The following EXOC6B variants were observed in gnomAD, a reference collection of about 807,000 sequenced individuals.
EXOC6B encodes the protein SEC15 homolog B.
In EXOC6B, 54 loss-of-function variants were observed where a neutral mutation model predicts 113.5. The ratio of observed to expected loss-of-function variants is 0.48; its 90% CI spans 0.38 to 0.60. EXOC6B has a LOEUF of 0.60. EXOC6B is among the 20% of genes least tolerant of loss of function. The pLI is 0.00. For missense variants in EXOC6B, 797 were observed against 977.5 expected, an observed-to-expected ratio of 0.82 and a Z score of 2.46; for synonymous variants, 357 against 339.0, an observed-to-expected ratio of 1.05 and a Z score of -0.58.
intron 20 of EXOC6B, among the ~76,000 whole-genome samples, chr2:72,239,291 T>C (rs1306334046): frequency 6.6e-6 from 1 of 152,232 alleles, no homozygotes; most frequent in Non-Finnish European, 1.5e-5. Context: ...CTTCAATGTT[T>C]CTTTCTCAGG....
intron 18 of EXOC6B, among the ~76,000 whole-genome samples, chr2:72,432,969 C>T (rs1400607202): frequency 6.6e-6 from 1 of 152,176 alleles, no homozygotes; most frequent in Non-Finnish European, 1.5e-5. Context: ...GTGTTTTAGT[C>T]ATAAAGTCTT....
intron 1 of EXOC6B, among the ~76,000 whole-genome samples, chr2:72,754,553 GTC>G (rs1682278428): frequency 6.6e-6 from 1 of 150,828 alleles, no homozygotes; most frequent in African/African-American, 2.4e-5. Flanking sequence ...TACAATAACA[GTC>G]TCTTGCAGCA....
chr2:72,575,609 C>G lies in EXOC6B; in HGVS notation c.729G>C (p.Lys243Asn). 2 of 1,610,384 alleles carry G rather than the reference C, an allele frequency of 1.2e-6. No individual in the cohort carries two copies. The highest frequency in any genetic ancestry group is 1.7e-6 in the Non-Finnish European group (2 of 1,178,540). ...TATATGCATCTTTCTTAGATTTCCTCTTGCTACCTATTCTGGGTTGTTGCA... is the reference window on the plus strand; with the variant it reads ...TATATGCATCTTTCTTAGATTTCCTGTTGCTACCTATTCTGGGTTGTTGCA... ...IVLQQPRIGS[K>N]RKSKKDAYII... is the part of the protein sequence containing the mutation. Residue 243 changes from lysine to asparagine, a missense_variant, in exon 7 of 22, where the codon AAG (lysine) becomes AAC (asparagine). By Grantham distance (94) the Lys-to-Asn change is moderately conservative (BLOSUM62 0). Coordinates refer to ENST00000272427, the MANE Select transcript of EXOC6B (RefSeq NM_015189.3).
At chr2:72,326,893 G>A (rs557770108) in intron 20 of EXOC6B, among the ~76,000 whole-genome samples, 13 of 152,170 alleles carry the variant, frequency 8.5e-5, no homozygotes, top group East Asian at 3.9e-4. Context: ...GCAAGCCAGC[G>A]TTTGGTTAGA....
At chr2:72,297,373 C>T (rs1480349264) in intron 20 of EXOC6B, among the ~76,000 whole-genome samples, 2 of 152,082 alleles carry the variant, frequency 1.3e-5, no homozygotes, top group Admixed American at 6.6e-5. Context: ...TCCTCTCCCT[C>T]CTCACACGTT....
At chr2:72,327,296 C>T (rs994036629) in intron 20 of EXOC6B, among the ~76,000 whole-genome samples, 1 of 151,800 alleles carries the variant, frequency 6.6e-6, no homozygotes, top group Non-Finnish European at 1.5e-5. Context: ...GTTCATCAGC[C>T]CTTCCACCTT....
At chr2:72,667,792 C>T (rs1044873397) in intron 6 of EXOC6B, among the ~76,000 whole-genome samples, 1 of 152,124 alleles carries the variant, frequency 6.6e-6, no homozygotes, top group Non-Finnish European at 1.5e-5. Context: ...CTAGGAAATA[C>T]CTTTCTTGAT....
At chr2:72,398,292 G>T (rs72845103) in intron 18 of EXOC6B, among the ~76,000 whole-genome samples, 3,498 of 152,246 alleles carry the variant, frequency 0.023, 68 homozygotes, top group Non-Finnish European at 0.038. Flanking sequence ...TTTCAAGCCT[G>T]CCAGTGTTCA....
chr2:72,249,663 A>G (rs1204897673), intron 20 of EXOC6B, among the ~76,000 whole-genome samples: 1 of 152,186 alleles, frequency 6.6e-6, no homozygotes, highest in Non-Finnish European at 1.5e-5. Context: ...TTCTAACATC[A>G]GTATCTACAA....
chr2:72,447,770 G>GAAC (rs1558676188), intron 18 of EXOC6B, among the ~76,000 whole-genome samples: 4 of 152,114 alleles, frequency 2.6e-5, no homozygotes, highest in African/African-American at 9.7e-5. Flanking sequence ...CCTTGTACTT[G>GAAC]TACTTTGTAC....
At chr2:72,316,143 G>A (rs955393912) in intron 20 of EXOC6B, among the ~76,000 whole-genome samples, 3 of 152,134 alleles carry the variant, frequency 2.0e-5, no homozygotes, top group Non-Finnish European at 4.4e-5. Flanking sequence ...CTCCAAGCAT[G>A]TATTTACATT....
At chr2:72,704,041 A>C (rs1163057704) in intron 6 of EXOC6B, among the ~76,000 whole-genome samples, 3 of 151,396 alleles carry the variant, frequency 2.0e-5, no homozygotes, top group African/African-American at 7.3e-5. Flanking sequence ...TCAGCACCAC[A>C]CCACACCTAT....
intron 6 of EXOC6B, among the ~76,000 whole-genome samples, chr2:72,664,502 A>G (rs1172004607): frequency 1.3e-5 from 2 of 152,156 alleles, no homozygotes; most frequent in South Asian, 2.1e-4. Flanking sequence ...CAGTTAAATT[A>G]ACAGGGGGAT....
At chr2:72,636,513 AGAAG>A (rs1038161049) in intron 6 of EXOC6B, among the ~76,000 whole-genome samples, 5 of 130,204 alleles carry the variant, frequency 3.8e-5, no homozygotes, top group Non-Finnish European at 6.0e-5. Flanking sequence ...GAGGAGAGAA[AGAAG>A]GAAGAAGAAG....
intron 6 of EXOC6B, among the ~76,000 whole-genome samples, chr2:72,697,508 GACCT>G (rs1332886913): frequency 2.6e-5 from 4 of 151,836 alleles, no homozygotes; most frequent in Non-Finnish European, 1.5e-5. Flanking sequence ...CAACAAAAAA[GACCT>G]ATCTCTACAA....
intron 20 of EXOC6B, among the ~76,000 whole-genome samples, chr2:72,330,489 T>C (rs957372490): frequency 1.3e-5 from 2 of 152,068 alleles, no homozygotes; most frequent in African/African-American, 4.8e-5. Context: ...AAAACACCCA[T>C]GTTTTTAAAC....
intron 20 of EXOC6B, among the ~76,000 whole-genome samples, chr2:72,332,179 C>T (rs1050261915): frequency 2.0e-5 from 3 of 151,980 alleles, no homozygotes; most frequent in Non-Finnish European, 4.4e-5. Context: ...TTTACCTTAA[C>T]TTGGGCTTCC....
chr2:72,240,473 T>C (rs1283693015), intron 20 of EXOC6B, among the ~76,000 whole-genome samples: 3 of 152,336 alleles, frequency 2.0e-5, no homozygotes, highest in South Asian at 2.1e-4. Flanking sequence ...GTGCTTTAAC[T>C]GACTGTTGAG....
chr2:72,514,977 A>T (rs1701141043), intron 9 of EXOC6B, 66 bp downstream of exon 9: 2 of 1,304,066 alleles, frequency 1.5e-6, no homozygotes, highest in Non-Finnish European at 2.2e-6. Context: ...ACACACACAC[A>T]CACGCATCAA....
Sources: gnomAD v4.1 joint callset for allele counts (sites outside exome capture counted in the v4.1 genomes callset) on GRCh38, gnomAD v4.1.1 for gene constraint, MANE v1.5 for transcripts, NCBI Gene and HGNC (gene_info 2026-07-23, HGNC 2026-07-21) for gene names.